The following KCNT2 variants were observed in gnomAD, a reference collection of about 807,000 sequenced individuals.
The protein encoded by KCNT2 is potassium sodium-activated channel subfamily T member 2, also known as potassium channel subfamily T member 2.
Under a neutral mutation model 153.8 loss-of-function variants are expected in KCNT2, and 67 were observed. The ratio of observed to expected loss-of-function variants is 0.44; its 90% confidence interval spans 0.36 to 0.53. The LOEUF (loss-of-function observed/expected upper bound fraction) is 0.53, where lower values mean the gene tolerates loss of function less well. Ranked by LOEUF, KCNT2 falls within the 20% of genes least tolerant of loss-of-function variation. The pLI is 0.00. For synonymous variants in KCNT2, 500 were observed against 458.8 expected, an observed-to-expected ratio of 1.09 and a Z score of -1.15; for missense variants, 975 against 1,354.8, an observed-to-expected ratio of 0.72 and a Z score of 4.40.
intron 1 of KCNT2, among the ~76,000 whole-genome samples, chr1:196,510,330 T>C (rs1023702126): frequency 2.0e-5 from 3 of 152,268 alleles, no homozygotes; most frequent in Non-Finnish European, 4.4e-5. Flanking sequence ...ACCTCCATTA[T>C]ACAGATTAGG....
chr1:196,585,327 T>C (rs1243591179), intron 1 of KCNT2, among the ~76,000 whole-genome samples: 1 of 152,166 alleles, frequency 6.6e-6, no homozygotes, highest in Non-Finnish European at 1.5e-5. Context: ...AAAGAGAGGA[T>C]GGGACTTGAC....
intron 18 of KCNT2, among the ~76,000 whole-genome samples, chr1:196,327,360 A>T (rs1341800186): frequency 5.9e-5 from 9 of 152,052 alleles, no homozygotes; most frequent in Non-Finnish European, 1.3e-4. Flanking sequence ...CTACATGCAT[A>T]TTTGAGCTGG....
intron 18 of KCNT2, among the ~76,000 whole-genome samples, chr1:196,328,016 C>T (rs1004074604): frequency 1.3e-5 from 2 of 151,880 alleles, no homozygotes; most frequent in South Asian, 2.1e-4. Context: ...CATGAGTAAA[C>T]AGAAATAATC....
intron 10 of KCNT2, among the ~76,000 whole-genome samples, chr1:196,426,653 A>G (rs1673678783): frequency 6.6e-6 from 1 of 151,676 alleles, no homozygotes; most frequent in Admixed American, 6.6e-5. Context: ...GCTGTAAAAT[A>G]TATCTACTAG....
intron 1 of KCNT2, among the ~76,000 whole-genome samples, chr1:196,576,621 G>A (rs1661413838): frequency 6.6e-6 from 1 of 151,814 alleles, no homozygotes; most frequent in Non-Finnish European, 1.5e-5. Flanking sequence ...GGAAAATATG[G>A]AAAATACTGC....
chr1:196,262,299 T>G (rs1657103669), intron 25 of KCNT2, among the ~76,000 whole-genome samples: 1 of 151,962 alleles, frequency 6.6e-6, no homozygotes, highest in Middle Eastern at 3.2e-3. Flanking sequence ...AATGTAGTAT[T>G]TTAAATAAAT....
At chr1:196,251,555 C>A (rs1230796748) in intron 26 of KCNT2, among the ~76,000 whole-genome samples, 5 of 151,854 alleles carry the variant, frequency 3.3e-5, no homozygotes, top group Admixed American at 6.6e-5. Context: ...AACATTAAGA[C>A]AACTGGACTC....
At chr1:196,233,012 T>G (rs1051121109) in intron 27 of KCNT2, among the ~76,000 whole-genome samples, 1 of 151,398 alleles carries the variant, frequency 6.6e-6, no homozygotes, top group Non-Finnish European at 1.5e-5. Context: ...ATAAAAATTA[T>G]CTATACTTAT....
intron 12 of KCNT2, among the ~76,000 whole-genome samples, chr1:196,407,787 G>T (rs931509878): frequency 6.6e-6 from 1 of 151,322 alleles, no homozygotes; most frequent in Non-Finnish European, 1.5e-5. Context: ...TAATAATCAA[G>T]AATAAATATG....
At chr1:196,478,672 T>C (rs535065159) in intron 5 of KCNT2, among the ~76,000 whole-genome samples, 1 of 152,242 alleles carries the variant, frequency 6.6e-6, no homozygotes, top group East Asian at 1.9e-4. Flanking sequence ...TATTATTATC[T>C]GTATGATGCT....
intron 12 of KCNT2, among the ~76,000 whole-genome samples, chr1:196,405,079 T>C (rs1417275671): frequency 6.6e-6 from 1 of 151,440 alleles, no homozygotes; most frequent in African/African-American, 2.4e-5. Flanking sequence ...CTGTATAACA[T>C]GGCATAAATA....
At position 196,484,894 on chromosome 1, in the gene KCNT2, C is replaced by T. The variant is rs185294087; in HGVS notation, c.276-2515G>A. ...CATTGTCAAAAACAGTACGGCGATT[C>T]CTCAAGGAGCTAGAACCAGAAATAC... On this transcript the variant is annotated intron_variant, in intron 3 of 27. Coordinates refer to ENST00000294725, the MANE Select transcript of KCNT2 (RefSeq NM_198503.5). Among the ~76,000 whole-genome samples, 483 of 152,152 alleles carry T rather than the reference C, an allele frequency of 3.2e-3. 1 individual carries two copies. The highest frequency in any genetic ancestry group is 5.9e-3 in the Non-Finnish European group (402 of 67,956).
At chr1:196,600,501 C>T (rs1664601528) in intron 1 of KCNT2, among the ~76,000 whole-genome samples, 1 of 118,600 alleles carries the variant, frequency 8.4e-6, no homozygotes, top group Admixed American at 9.7e-5. Context: ...AAAGTTGTCA[C>T]TATCAGTGAT....
At chr1:196,266,766 T>C (rs1657579129) in intron 25 of KCNT2, among the ~76,000 whole-genome samples, 1 of 152,200 alleles carries the variant, frequency 6.6e-6, no homozygotes, top group East Asian at 1.9e-4. Context: ...CATCCAAAGC[T>C]TAATGCTGTG....
intron 1 of KCNT2, among the ~76,000 whole-genome samples, chr1:196,515,136 G>A (rs566434031): frequency 2.3e-4 from 35 of 152,316 alleles, no homozygotes; most frequent in African/African-American, 8.2e-4. Context: ...AAAGGACTAT[G>A]AGGATTCTGT....
intron 1 of KCNT2, among the ~76,000 whole-genome samples, chr1:196,581,722 A>G (rs1446545192): frequency 6.6e-6 from 1 of 152,184 alleles, no homozygotes; most frequent in African/African-American, 2.4e-5. Flanking sequence ...ATCCCACTCA[A>G]GCATAAATTA....
chr1:196,583,752 T>TG (rs1662339064), intron 1 of KCNT2, among the ~76,000 whole-genome samples: 1 of 151,614 alleles, frequency 6.6e-6, no homozygotes, highest in Admixed American at 6.6e-5. Flanking sequence ...ATGAAAAAGA[T>TG]CATCAGAAAT....
chr1:196,415,513 A>AAT (rs150510696), intron 12 of KCNT2, among the ~76,000 whole-genome samples: 1,816 of 150,036 alleles, frequency 0.012, 22 homozygotes, highest in African/African-American at 0.038. Flanking sequence ...CCTATATATA[A>AAT]ATATATATAT....
intron 14 of KCNT2, among the ~76,000 whole-genome samples, chr1:196,365,914 T>G (rs1027473645): frequency 6.6e-6 from 1 of 152,166 alleles, no homozygotes; most frequent in African/African-American, 2.4e-5. Flanking sequence ...TTACTATGGT[T>G]GGGCATGGCT....
Sources: gnomAD v4.1 joint callset for allele counts (sites outside exome capture counted in the v4.1 genomes callset) on GRCh38, gnomAD v4.1.1 for gene constraint, MANE v1.5 for transcripts, NCBI Gene and HGNC (gene_info 2026-07-23, HGNC 2026-07-21) for gene names.